The following PCDHGB2 variants were observed in gnomAD, a reference collection of about 807,000 sequenced individuals.
PCDHGB2 encodes the protein protocadherin gamma subfamily B, 2.
Under a neutral mutation model 59.3 loss-of-function variants are expected in PCDHGB2, and 55 were observed. That is an observed-to-expected ratio of 0.93 (90% CI 0.75 to 1.16). The LOEUF (loss-of-function observed/expected upper bound fraction) is 1.16. PCDHGB2 is among the 50% of genes most tolerant of loss of function. PCDHGB2 has a pLI of 0.00. For synonymous variants in PCDHGB2, 516 were observed against 512.0 expected (o/e 1.01, Z -0.11); for missense variants, 1,228 against 1,198.5 (o/e 1.02, Z -0.36).
chr5:141,404,683 GGCACCCCGCTCT>G (rs1306876302), intron 1 of PCDHGB2: 2 of 1,614,070 alleles, frequency 1.2e-6, no homozygotes, highest in Admixed American at 1.7e-5. Context: ...GTGTGGAGCT[GGCACCCCGCTCT>G]GCAGAGCCTG....
At chr5:141,403,209 C>T (rs1247618991) in intron 1 of PCDHGB2, 2 of 1,613,982 alleles carry the variant, frequency 1.2e-6, no homozygotes, top group Admixed American at 1.7e-5. Context: ...ACCTTGGTCA[C>T]CGCGGGTAGG....
intron 1 of PCDHGB2, chr5:141,415,523 T>G (rs1245542927): frequency 1.9e-6 from 3 of 1,614,196 alleles, no homozygotes; most frequent in Non-Finnish European, 2.5e-6. Context: ...GCGGACACGC[T>G]CATCAGCCAG....
intron 1 of PCDHGB2, chr5:141,374,736 G>A (rs1770792620): frequency 1.9e-6 from 3 of 1,611,042 alleles, no homozygotes; most frequent in Non-Finnish European, 1.7e-6. Context: ...ATGGATGGCG[G>A]CGACCCTGTC....
chr5:141,439,226 G>A (rs1337835258), intron 1 of PCDHGB2, among the ~76,000 whole-genome samples: 1 of 151,442 alleles, frequency 6.6e-6, no homozygotes, highest in African/African-American at 2.4e-5. Flanking sequence ...AAAATTCTTA[G>A]AAGCTTCCTA....
intron 1 of PCDHGB2, among the ~76,000 whole-genome samples, chr5:141,453,217 G>A (rs770914741): frequency 1.2e-4 from 19 of 152,100 alleles, no homozygotes; most frequent in Admixed American, 1.0e-3. Context: ...GCACTTAAGC[G>A]ATCCTCCCAC....
chr5:141,440,527 T>G (rs1282939317), intron 1 of PCDHGB2: 3 of 152,222 alleles, frequency 2.0e-5, no homozygotes, highest in African/African-American at 7.2e-5. Context: ...TGAAGAATCA[T>G]GCACCACGGT....
chr5:141,362,588 GT>G (rs1561527574), intron 1 of PCDHGB2, 32 bp downstream of exon 1: 1 of 1,592,210 alleles, frequency 6.3e-7, no homozygotes, highest in African/African-American at 1.4e-5. Flanking sequence ...TTCACTTCTG[GT>G]TTTATTGTTT....
intron 1 of PCDHGB2, among the ~76,000 whole-genome samples, chr5:141,435,367 A>C (rs2097758993): frequency 1.3e-5 from 2 of 152,194 alleles, no homozygotes; most frequent in African/African-American, 4.8e-5. Flanking sequence ...TTTATCACTT[A>C]AATATACAAT....
chr5:141,415,332 G>A (rs758125316), intron 1 of PCDHGB2: 1 of 1,614,214 alleles, frequency 6.2e-7, no homozygotes, highest in South Asian at 1.1e-5. Context: ...TGGCGCACAG[G>A]CTGCGGCGCT....
At chr5:141,384,653 G>T in intron 1 of PCDHGB2, 1 of 1,614,222 alleles carries the variant, frequency 6.2e-7, no homozygotes, top group Non-Finnish European at 8.5e-7. Context: ...GCAGAGCCCG[G>T]CTACCTGGTG....
rs193229261 is a variant in PCDHGB2, at chr5:141,446,714, G to A, written c.2422-48093G>A. ...GCTGGTCTCGAACTCTGATCTGCCCGCCTCGGCCTCCCAAAGTGTGGGGAT... is the reference window on the plus strand; with the variant it reads ...GCTGGTCTCGAACTCTGATCTGCCCACCTCGGCCTCCCAAAGTGTGGGGAT... On this transcript the variant is annotated intron_variant, in intron 1 of 3. Transcript: ENST00000522605. Among the ~76,000 whole-genome samples the A allele has an allele frequency of 3.3e-3, 497 of 152,154 alleles. 2 individuals are homozygous for A. Among genetic ancestry groups the A allele is most frequent in the African/African-American group, 0.011 (450 of 41,528 alleles).
At chr5:141,419,552 C>T in intron 1 of PCDHGB2, 1 of 1,612,014 alleles carries the variant, frequency 6.2e-7, no homozygotes, top group Non-Finnish European at 8.5e-7. Flanking sequence ...GGTGCTGTAC[C>T]CTGCGCTGGG....
chr5:141,468,463 T>G (rs574151637), intron 1 of PCDHGB2: 6 of 152,282 alleles, frequency 3.9e-5, no homozygotes, highest in African/African-American at 1.4e-4. Flanking sequence ...AGCAAGTTAT[T>G]TCTGAGGAGA....
rs769607720 is a variant in PCDHGB2 at position 141,489,346 on chromosome 5, G to A, written c.2422-5461G>A. 4 of 1,611,652 alleles carry A rather than the reference G, an allele frequency of 2.5e-6. No individual in the cohort carries two copies. The highest frequency in any genetic ancestry group is 3.4e-6 in the Non-Finnish European group (4 of 1,178,446). On this transcript the variant is annotated intron_variant, in intron 1 of 3. Transcript: ENST00000522605. The surrounding 1 kb of genome is among the most constrained non-coding windows in gnomAD (Gnocchi z 4.5). Reference sequence around the variant, plus strand: ...GTCTGGGCAGCTTCGTTACTCAGTGGTGGAGGAGTCTGAGCCGGGGACGCT... The same window carrying A: ...GTCTGGGCAGCTTCGTTACTCAGTGATGGAGGAGTCTGAGCCGGGGACGCT...
intron 1 of PCDHGB2, chr5:141,423,090 G>GT (rs2096707772): frequency 2.5e-6 from 4 of 1,613,904 alleles, no homozygotes; most frequent in African/African-American, 2.7e-5. Flanking sequence ...TCGCGGTGGG[G>GT]GAGCACACGG....
chr5:141,474,289 T>C (rs11956411), intron 1 of PCDHGB2, among the ~76,000 whole-genome samples: 31,178 of 152,120 alleles, frequency 0.2, 3,304 homozygotes, highest in Admixed American at 0.31. Context: ...ACCCACTAGA[T>C]CAGTGCTTGT....
intron 1 of PCDHGB2, chr5:141,366,278 G>T: frequency 1.2e-6 from 2 of 1,613,712 alleles, no homozygotes; most frequent in Non-Finnish European, 1.7e-6. Context: ...CGAAGACCAT[G>T]GCCAGCCCCC....
chr5:141,424,655 TTTAA>T (rs1162406206), intron 1 of PCDHGB2: 3 of 152,238 alleles, frequency 2.0e-5, no homozygotes, highest in Non-Finnish European at 4.4e-5. Flanking sequence ...GTATTTGGAC[TTTAA>T]TTAAACTGAT....
intron 1 of PCDHGB2, chr5:141,413,569 G>A: frequency 1.2e-6 from 2 of 1,613,846 alleles, no homozygotes; most frequent in Non-Finnish European, 1.7e-6. Context: ...TGATATCAAT[G>A]ACAATGCTCC....
Sources: gnomAD v4.1 joint callset for allele counts (sites outside exome capture counted in the v4.1 genomes callset) on GRCh38, gnomAD v4.1.1 for gene constraint, Gnocchi (gnomAD v3.1) non-coding constraint, MANE v1.5 for transcripts, NCBI Gene and HGNC (gene_info 2026-07-23, HGNC 2026-07-21) for gene names.